Variants in PTPRT observed in about 807,000 individuals in gnomAD.
PTPRT encodes receptor-type tyrosine-protein phosphatase T.
A neutral mutation model predicts 176.8 loss-of-function variants in PTPRT; 56 were observed. The observed-to-expected ratio is 0.32, with a 90% CI of 0.26 to 0.40. PTPRT has a LOEUF of 0.40. Among genes scored for constraint, PTPRT ranks in the 10% least tolerant of loss-of-function variants. The pLI is 1.00. For synonymous variants in PTPRT, 783 were observed against 739.0 expected (o/e 1.06, Z -0.96); for missense variants, 1,540 against 1,908.2 (o/e 0.81, Z 3.60).
intron 9 of PTPRT, among the ~76,000 whole-genome samples, chr20:42,374,025 G>A (rs538202089): frequency 2.6e-4 from 40 of 152,312 alleles, no homozygotes; most frequent in Non-Finnish European, 4.9e-4. Flanking sequence ...GGAGCAGAGA[G>A]GGCAAGTGAC....
chr20:42,391,783 T>C (rs1020486178), intron 9 of PTPRT, among the ~76,000 whole-genome samples: 1 of 152,228 alleles, frequency 6.6e-6, no homozygotes, highest in African/African-American at 2.4e-5. Context: ...CAGCAAGTCC[T>C]ACATACTGAA....
intron 1 of PTPRT, among the ~76,000 whole-genome samples, chr20:43,132,382 A>T (rs193234543): frequency 1.4e-4 from 22 of 152,358 alleles, no homozygotes. Context: ...GAGTAAAAAC[A>T]AAACTAAATA....
At chr20:43,033,151 C>T (rs1986217561) in intron 1 of PTPRT, among the ~76,000 whole-genome samples, 1 of 152,120 alleles carries the variant, frequency 6.6e-6, no homozygotes, top group South Asian at 2.1e-4. Flanking sequence ...CTTTTTGTGG[C>T]CACTGCCCAT....
At chr20:42,640,590 T>A (rs757692229) in intron 7 of PTPRT, among the ~76,000 whole-genome samples, 3 of 152,070 alleles carry the variant, frequency 2.0e-5, no homozygotes, top group Non-Finnish European at 4.4e-5. Context: ...GTTTTCACCA[T>A]GTTGGCCAGG....
At chr20:42,940,955 G>A (rs931763313) in intron 1 of PTPRT, among the ~76,000 whole-genome samples, 4 of 151,764 alleles carry the variant, frequency 2.6e-5, no homozygotes, top group Non-Finnish European at 5.9e-5. Flanking sequence ...GGTGGCGCGC[G>A]CCTGTAGTCC....
chr20:42,416,477 T>C (rs2059066984), intron 9 of PTPRT, among the ~76,000 whole-genome samples: 1 of 152,208 alleles, frequency 6.6e-6, no homozygotes, highest in Non-Finnish European at 1.5e-5. Flanking sequence ...CAAACCCCAG[T>C]ATTTATCTTT....
At chr20:42,804,933 C>T (rs2077583532) in intron 2 of PTPRT, among the ~76,000 whole-genome samples, 1 of 152,164 alleles carries the variant, frequency 6.6e-6, no homozygotes, top group Admixed American at 6.5e-5. Flanking sequence ...AGAATGACTA[C>T]TTCCAAATAA....
chr20:42,219,269 ATAC>A (rs1038304866), intron 15 of PTPRT, among the ~76,000 whole-genome samples: 17 of 152,230 alleles, frequency 1.1e-4, no homozygotes, highest in Admixed American at 7.2e-4. Flanking sequence ...TTTTTCAGGG[ATAC>A]TATTTCTGCC....
chr20:42,400,691 G>A (rs1174143347), intron 9 of PTPRT, among the ~76,000 whole-genome samples: 1 of 152,130 alleles, frequency 6.6e-6, no homozygotes, highest in Non-Finnish European at 1.5e-5. Flanking sequence ...TACCAAGCAC[G>A]CTTGCATGTT....
At chr20:42,381,849 G>A (rs1272846275) in intron 9 of PTPRT, among the ~76,000 whole-genome samples, 1 of 152,050 alleles carries the variant, frequency 6.6e-6, no homozygotes, top group Non-Finnish European at 1.5e-5. Flanking sequence ...AACCTGATAC[G>A]ATTCAGACAC....
At chr20:42,769,812 TACAC>T (rs750088369) in intron 5 of PTPRT, among the ~76,000 whole-genome samples, 8 of 152,214 alleles carry the variant, frequency 5.3e-5, no homozygotes, top group Non-Finnish European at 8.8e-5. Context: ...GAAATACTGT[TACAC>T]ACAACAACAT....
chr20:42,187,040 A>G (rs2146620279), intron 16 of PTPRT, among the ~76,000 whole-genome samples: 1 of 152,282 alleles, frequency 6.6e-6, no homozygotes, highest in East Asian at 1.9e-4. Context: ...ATCAACTCAT[A>G]TGATTGGTAA....
At chr20:42,838,307 T>C (rs6093743) in intron 2 of PTPRT, among the ~76,000 whole-genome samples, 36,009 of 152,080 alleles carry the variant, frequency 0.24, 4,703 homozygotes, top group African/African-American at 0.36. Context: ...TGTGAGTCAC[T>C]GCGCTCAGCC....
At chr20:42,110,850 A>ATGT (rs1241093187) in intron 22 of PTPRT, among the ~76,000 whole-genome samples, 1 of 152,184 alleles carries the variant, frequency 6.6e-6, no homozygotes, top group Non-Finnish European at 1.5e-5. Context: ...ATTTAAAGAA[A>ATGT]TGTTGGCCTT....
At chr20:42,234,423 A>T (rs1245662771) in intron 15 of PTPRT, among the ~76,000 whole-genome samples, 1 of 152,176 alleles carries the variant, frequency 6.6e-6, no homozygotes, top group Non-Finnish European at 1.5e-5. Flanking sequence ...TTCTCTTTCC[A>T]CCATAGCAAT....
chr20:43,028,874 G>C lies in PTPRT; in HGVS notation c.89-142942C>G, dbSNP rs558192713. 5.9e-5 allele frequency among the ~76,000 whole-genome samples: 9 copies of C among 152,274 alleles called. No homozygotes were observed. In the South Asian group the frequency reaches 1.9e-3, roughly 32 times the overall value. ...GGGAATAAGTGAAATGGAACAACAG[G>C]GAGGCAGCGATGGAATGGGACAGTC... On this transcript the variant is annotated intron_variant, in intron 1 of 30. Coordinates refer to ENST00000373187, the MANE Select transcript of PTPRT (RefSeq NM_007050.6).
intron 2 of PTPRT, among the ~76,000 whole-genome samples, chr20:42,841,727 G>A (rs8125478): frequency 0.086 from 13,087 of 151,394 alleles, 707 homozygotes; most frequent in Admixed American, 0.15. Context: ...GTCAACCTAA[G>A]TCTAGTTCAC....
chr20:42,052,697 T>TCACCTTGCAGATGCC, the PTPRT span, among the ~76,000 whole-genome samples: 4 of 152,280 alleles, frequency 2.6e-5, no homozygotes, highest in Admixed American at 2.6e-4. Context: ...TCTCAGGTGC[T>TCACCTTGCAGATGCC]CACCTTGCAG....
chr20:42,924,668 C>T (rs976194837), intron 1 of PTPRT, among the ~76,000 whole-genome samples: 2 of 152,196 alleles, frequency 1.3e-5, no homozygotes, highest in Non-Finnish European at 2.9e-5. Flanking sequence ...GCAAATATCC[C>T]GATCCGTACA....
Sources: allele counts gnomAD v4.1 joint callset (sites outside exome capture counted in the v4.1 genomes callset), GRCh38; gene constraint gnomAD v4.1.1; transcripts MANE v1.5; gene names NCBI Gene and HGNC (gene_info 2026-07-23, HGNC 2026-07-21).